The following SYNPO variants were observed in gnomAD, a reference collection of about 807,000 sequenced individuals.
The protein encoded by SYNPO is synaptopodin.
A neutral mutation model predicts 49.5 loss-of-function variants in SYNPO; 19 were observed. The observed-to-expected ratio is 0.38, with a 90% CI of 0.27 to 0.56. SYNPO has a LOEUF of 0.56. Among genes scored for constraint, SYNPO ranks in the 20% least tolerant of loss-of-function variants. The probability of loss-of-function intolerance (pLI) is 0.68; values close to 1 mark genes in which losing one functional copy is unlikely to be tolerated. For synonymous variants in SYNPO, 536 were observed against 548.0 expected, an observed-to-expected ratio of 0.98 and a Z score of 0.31; for missense variants, 1,131 against 1,248.3, an observed-to-expected ratio of 0.91 and a Z score of 1.42.
At chr5:150,618,772 G>T (rs1258299020) in intron 2 of SYNPO, 1 of 1,551,142 alleles carries the variant, frequency 6.4e-7, no homozygotes, top group East Asian at 2.4e-5. Context: ...AACCAGGTAA[G>T]CTTGTGTTCC....
chr5:150,612,984 G>T (rs1581457170), intron 1 of SYNPO, among the ~76,000 whole-genome samples: 1 of 152,208 alleles, frequency 6.6e-6, no homozygotes, highest in Non-Finnish European at 1.5e-5. Context: ...TCACTATGTT[G>T]CTCAGGCTGG....
At chr5:150,612,438 C>G (rs1581456486) in intron 1 of SYNPO, among the ~76,000 whole-genome samples, 3 of 152,362 alleles carry the variant, frequency 2.0e-5, no homozygotes, top group Admixed American at 6.5e-5. Flanking sequence ...CCTTCCATTT[C>G]CCATTCCTCT....
In SYNPO at chr5:150,648,314, C is replaced by G. The variant is rs751009044; in HGVS notation, c.39C>G (p.His13Gln). Reference protein sequence around the residue: ...GYSEEASLLRHLEKVASEEEE... With the variant: ...GYSEEASLLRQLEKVASEEEE... ...CAGAGGAGGCTAGCTTGCTGCGGCA[C>G]CTGGAGAAGGTGGCCAGTGAGGAGG... The change falls in exon 2 of 3, where the codon CAC becomes CAG. Residue 13 changes from histidine (H) to glutamine (Q), a missense_variant. By Grantham distance (24) the His-to-Gln change is conservative. This residue lies in a region of SYNPO where 16 missense variants were observed against 20.9 expected (regional missense o/e 0.77). Transcript: ENST00000307662. The surrounding 1 kb of genome is among the most constrained non-coding windows in gnomAD (Gnocchi z 5.0). The G allele has an allele frequency of 6.2e-7, 1 of 1,614,172 alleles. No individual in the cohort carries two copies. The highest frequency in any genetic ancestry group is 1.7e-5 in the Admixed American group (1 of 60,028).
chr5:150,627,073 C>T (rs1355554354), intron 2 of SYNPO, among the ~76,000 whole-genome samples: 2 of 152,220 alleles, frequency 1.3e-5, no homozygotes, highest in Admixed American at 1.3e-4. Context: ...CTGAGCACAC[C>T]TCCAGGGCCC....
chr5:150,629,959 C>T (rs909065546), intron 2 of SYNPO, among the ~76,000 whole-genome samples: 4 of 152,048 alleles, frequency 2.6e-5, no homozygotes, highest in African/African-American at 9.7e-5. Context: ...GATGGAGTGC[C>T]AGGGGCTCAG....
upstream of SYNPO, among the ~76,000 whole-genome samples, chr5:150,599,168 T>C (rs1756476474): frequency 6.6e-6 from 1 of 152,234 alleles, no homozygotes; most frequent in Non-Finnish European, 1.5e-5. Context: ...AATCACCATG[T>C]ACCGGGCGAA....
chr5:150,647,871 C>T, intron 1 of SYNPO, 73 bp from the exon 2 acceptor site: 1 of 1,373,298 alleles, frequency 7.3e-7, no homozygotes, highest in Non-Finnish European at 9.9e-7. Context: ...CCATCTCTGT[C>T]TGCCTGTTTG....
chr5:150,630,713 C>T (rs1461271047), intron 2 of SYNPO, among the ~76,000 whole-genome samples: 1 of 152,146 alleles, frequency 6.6e-6, no homozygotes, highest in East Asian at 1.9e-4. Flanking sequence ...CCACCCTCTC[C>T]TCTCCCTCCT....
chr5:150,624,883 C>CT, intron 2 of SYNPO: 1 of 985,376 alleles, frequency 1.0e-6, no homozygotes. Flanking sequence ...CCCGGGAGCT[C>CT]GGGGACCGTG....
In SYNPO at chr5:150,635,259, G is replaced by A. The variant is rs768799169; in HGVS notation, c.401-12685G>A. Among the ~76,000 whole-genome samples, 7 of 152,328 alleles carry A rather than the reference G, an allele frequency of 4.6e-5. No individual in the cohort carries two copies. The East Asian group carries it at 7.7e-4, about 17-fold the overall frequency. ...TGGGTGTGCATGCGTGCCTGGGCAC[G>A]CTCTGCTGTGTGTAGCACAGGCTTG... On this transcript the variant is annotated intron_variant, in intron 2 of 2. Coordinates refer to the SYNPO transcript ENST00000394243.
At chr5:150,627,453 G>T (rs1396458380) in intron 2 of SYNPO, among the ~76,000 whole-genome samples, 1 of 152,194 alleles carries the variant, frequency 6.6e-6, no homozygotes, top group East Asian at 1.9e-4. Context: ...GGCTAGCAAT[G>T]GGTTGGGATG....
At chr5:150,608,729 G>A (rs925424022) in intron 1 of SYNPO, among the ~76,000 whole-genome samples, 1 of 152,072 alleles carries the variant, frequency 6.6e-6, no homozygotes, top group Non-Finnish European at 1.5e-5. Context: ...TTCAAAATAC[G>A]CTGATCCCAG....
intron 1 of SYNPO, among the ~76,000 whole-genome samples, chr5:150,610,175 C>T (rs994195165): frequency 1.4e-4 from 21 of 152,212 alleles, no homozygotes; most frequent in African/African-American, 5.1e-4. Context: ...GTGCTGAGTT[C>T]CACAGGCAGT....
At chr5:150,596,302 C>T (rs945196051), upstream of SYNPO, among the ~76,000 whole-genome samples, 5 of 152,192 alleles carry the variant, frequency 3.3e-5, no homozygotes, top group South Asian at 2.1e-4. Flanking sequence ...AATTCTGATC[C>T]CGCAAATCCA....
intron 2 of SYNPO, among the ~76,000 whole-genome samples, chr5:150,655,033 GA>G (rs1338409942): frequency 3.3e-5 from 5 of 152,336 alleles, no homozygotes; most frequent in South Asian, 4.1e-4. Flanking sequence ...GCTGAGGCAG[GA>G]GAATCACTTG....
At chr5:150,624,500 G>A (rs958115988) in intron 2 of SYNPO, among the ~76,000 whole-genome samples, 15 of 152,252 alleles carry the variant, frequency 9.9e-5, no homozygotes, top group African/African-American at 3.4e-4. Flanking sequence ...ATAAGGAAAC[G>A]GAGAGACAGA....
intron 1 of SYNPO, among the ~76,000 whole-genome samples, chr5:150,645,735 C>T (rs527415884): frequency 3.5e-4 from 54 of 152,328 alleles, no homozygotes; most frequent in African/African-American, 1.3e-3. Flanking sequence ...CTTGGCTTTG[C>T]AACCTTGGGG....
intron 2 of SYNPO, chr5:150,624,954 C>G (rs1757303623): frequency 1.0e-6 from 1 of 985,412 alleles, no homozygotes; most frequent in Admixed American, 6.1e-5. Flanking sequence ...ACCGCGCGAG[C>G]CTCGCCCCTT....
chr5:150,619,916 A>G (rs1757099717), intron 2 of SYNPO, among the ~76,000 whole-genome samples: 1 of 152,052 alleles, frequency 6.6e-6, no homozygotes, highest in South Asian at 2.1e-4. Context: ...TAATCCCTCT[A>G]GGGCAGGAAG....
Sources: allele counts gnomAD v4.1 joint callset (sites outside exome capture counted in the v4.1 genomes callset), GRCh38; gene constraint gnomAD v4.1.1; regional missense constraint gnomAD v4.1.1; non-coding constraint Gnocchi (gnomAD v3.1); transcripts MANE v1.5; gene names NCBI Gene and HGNC (gene_info 2026-07-23, HGNC 2026-07-21).